Variants in DAB2IP observed in about 807,000 individuals in gnomAD.
DAB2IP encodes the protein DAB2 interacting protein.
A neutral mutation model predicts 107.2 loss-of-function variants in DAB2IP; 28 were observed. The ratio of observed to expected loss-of-function variants is 0.26; its 90% CI spans 0.19 to 0.36. The LOEUF is 0.36. Ranked by LOEUF, DAB2IP falls within the 10% of genes least tolerant of loss-of-function variation. The pLI, the probability that DAB2IP is intolerant of heterozygous loss-of-function variation, is 1.00. For synonymous variants in DAB2IP, 755 were observed against 706.4 expected, an observed-to-expected ratio of 1.07 and a Z score of -1.09; for missense variants, 1,400 against 1,644.7, an observed-to-expected ratio of 0.85 and a Z score of 2.57.
In DAB2IP at chr9:121,635,907, G is replaced by GT. The variant is rs1491171520; in HGVS notation, c.41-42771_41-42770insT. On this transcript the variant is annotated intron_variant, in intron 1 of 16. Transcript: ENST00000259371. This position sits in a 1 kb window ranked among gnomAD's most constrained non-coding sequence, Gnocchi z 4.3. ...AGTCCCCTGTTTAGATGTCTTTTTT[G>GT]GGGGGGGGTCTGGGGGATGGAGTCT... Among the ~76,000 whole-genome samples, 3 of 58,490 alleles carry GT rather than the reference G, an allele frequency of 5.1e-5. No homozygotes were observed. Among genetic ancestry groups the GT allele is most frequent in the African/African-American group, 3.1e-4 (3 of 9,798 alleles). The allele number at this position is 58,490 out of a possible 152,430, so 38.4% of individuals were successfully genotyped here.
chr9:121,592,565 A>G (rs76647193), intron 1 of DAB2IP, among the ~76,000 whole-genome samples: 1,758 of 152,268 alleles, frequency 0.012, 22 homozygotes, highest in Non-Finnish European at 0.016. Context: ...CTTGAAGTAC[A>G]TGTTGTTCTT....
chr9:121,648,216 C>T (rs1832607417), upstream of DAB2IP, among the ~76,000 whole-genome samples: 2 of 152,114 alleles, frequency 1.3e-5, no homozygotes, highest in Admixed American at 6.5e-5. Flanking sequence ...GAAGAACTTA[C>T]TCATGTAACC....
chr9:121,591,338 G>T (rs1830418893), intron 1 of DAB2IP, among the ~76,000 whole-genome samples: 1 of 152,200 alleles, frequency 6.6e-6, no homozygotes, highest in Admixed American at 6.5e-5. Flanking sequence ...TTGCAGTGAT[G>T]CATGCCTGTA....
intron 3 of DAB2IP, among the ~76,000 whole-genome samples, chr9:121,743,839 C>T (rs936082385): frequency 3.9e-5 from 6 of 152,150 alleles, no homozygotes; most frequent in Admixed American, 3.9e-4. Context: ...GTGACTGTCA[C>T]AGGAGCTGGT....
At chr9:121,660,589 C>T (rs1376942084) in intron 1 of DAB2IP, among the ~76,000 whole-genome samples, 2 of 152,102 alleles carry the variant, frequency 1.3e-5, no homozygotes, top group East Asian at 3.9e-4. Context: ...AGAGAGGATG[C>T]CGCCATCTGA....
chr9:121,647,782 CACAT>C (rs1832587699), upstream of DAB2IP, among the ~76,000 whole-genome samples: 1 of 151,032 alleles, frequency 6.6e-6, no homozygotes, highest in Admixed American at 6.6e-5. Flanking sequence ...TACATAAACA[CACAT>C]ATATACGTAT....
rs910489633 is a variant in DAB2IP, at chr9:121,776,678, G to A, written c.3314+287G>A. ...CTCTACAAGGAGCCATACCATCTTA[G>A]TAAGCACTCTCAGGGGCGCTGAGAA... On this transcript the variant is annotated intron_variant, in intron 14 of 15. Coordinates refer to ENST00000408936, the Ensembl canonical transcript of DAB2IP. The surrounding 1 kb of genome is among the most constrained non-coding windows in gnomAD (Gnocchi z 5.4). Among the ~76,000 whole-genome samples the A allele has an allele frequency of 6.6e-6, 1 of 152,178 alleles. No homozygotes were observed. Among genetic ancestry groups the A allele is most frequent in the African/African-American group, 2.4e-5 (1 of 41,450 alleles).
chr9:121,630,370 A>G (rs1183247508), intron 1 of DAB2IP, among the ~76,000 whole-genome samples: 1 of 151,868 alleles, frequency 6.6e-6, no homozygotes, highest in Non-Finnish European at 1.5e-5. Context: ...CTAAAAACAC[A>G]AAAAATTAGC....
chr9:121,666,030 T>A (rs1288207020), intron 1 of DAB2IP, among the ~76,000 whole-genome samples: 2 of 152,198 alleles, frequency 1.3e-5, no homozygotes, highest in African/African-American at 4.8e-5. Context: ...GGGACAGAAG[T>A]CTGAAATCAT....
At chr9:121,568,361 CG>C (rs1236403192) in intron 1 of DAB2IP, among the ~76,000 whole-genome samples, 5 of 152,074 alleles carry the variant, frequency 3.3e-5, no homozygotes, top group Admixed American at 3.3e-4. Context: ...GCCCAGGGGA[CG>C]GGGGGTCAGT....
chr9:121,595,455 T>C (rs969130194), intron 1 of DAB2IP, among the ~76,000 whole-genome samples: 1 of 135,858 alleles, frequency 7.4e-6, no homozygotes, highest in Admixed American at 7.5e-5. Context: ...AAACAAAAAT[T>C]AGCCCGCCAT....
chr9:121,773,183 G>A, exon 12 of DAB2IP: 1 of 1,592,534 alleles, frequency 6.3e-7, no homozygotes. Context: ...TGGCTCGGCG[G>A]CCCGGTGAGC....
intron 1 of DAB2IP, among the ~76,000 whole-genome samples, chr9:121,584,375 T>A (rs1034029905): frequency 2.0e-5 from 3 of 151,458 alleles, no homozygotes; most frequent in African/African-American, 7.3e-5. Flanking sequence ...GCCACTGCAC[T>A]CTAGACAGGG....
chr9:121,760,049 C>A lies in DAB2IP; in HGVS notation c.780C>A (p.Phe260Leu). The A allele has an allele frequency of 6.2e-7, 1 of 1,614,080 alleles. No homozygotes were observed. The highest frequency in any genetic ancestry group is 2.2e-5 in the East Asian group (1 of 44,856). The change falls in exon 6 of 16, where the codon TTC becomes TTA. Residue 260 changes from phenylalanine to leucine, a missense_variant. Transcript: ENST00000408936. The surrounding 1 kb of genome is among the most constrained non-coding windows in gnomAD (Gnocchi z 5.9). Reference sequence around the variant, plus strand: ...ACAATGTTTTCTGGGGCGAGCACTTCGAGTTCCACAACTTGCCGCCTCTGC... The same window carrying A: ...ACAATGTTTTCTGGGGCGAGCACTTAGAGTTCCACAACTTGCCGCCTCTGC...
chr9:121,659,793 CAAAAAAA>C (rs1429077432), intron 1 of DAB2IP, among the ~76,000 whole-genome samples: 1 of 151,392 alleles, frequency 6.6e-6, no homozygotes, highest in East Asian at 1.9e-4. Flanking sequence ...GATTCCGTCT[CAAAAAAA>C]GAAAAAAGAA....
intron 1 of DAB2IP, among the ~76,000 whole-genome samples, chr9:121,661,700 C>T (rs897465713): frequency 1.2e-4 from 19 of 152,272 alleles, no homozygotes; most frequent in South Asian, 2.1e-4. Flanking sequence ...ATAATGTTTA[C>T]GGCCAGGCAC....
At chr9:121,783,600 G>A (rs1835810272) in exon 16 of DAB2IP, 4 of 1,602,802 alleles carry the variant, frequency 2.5e-6, no homozygotes, top group Admixed American at 1.7e-5. Flanking sequence ...TAAGTTGAGC[G>A]TGCGCACTGC....
chr9:121,702,944 C>T lies in DAB2IP; in HGVS notation c.362+3486C>T, dbSNP rs1192491302. 6.6e-6 allele frequency among the ~76,000 whole-genome samples: 1 copy of T among 152,206 alleles called. No individual in the cohort carries two copies. Among genetic ancestry groups the T allele is most frequent in the Non-Finnish European group, 1.5e-5 (1 of 68,042 alleles). ...TGTCTGTACCCCCATCAAGCTCTTC[C>T]CAGTCATCCTGGTGCGGAGCTTAGC... is the stretch of plus-strand genomic sequence containing the variant. On this transcript the variant is annotated intron_variant, in intron 3 of 15. Coordinates refer to ENST00000408936, the Ensembl canonical transcript of DAB2IP. This position sits in a 1 kb window ranked among gnomAD's most constrained non-coding sequence, Gnocchi z 4.5.
At position 121,633,856 on chromosome 9, in the gene DAB2IP, G is replaced by C. The variant is rs1831983374; in HGVS notation, c.41-44822G>C. ...GGAAGTCAAGTTAGGTCTCTGCCATGGGTCTGGGGCTGCTGCTCTCTTCCT... is the reference window on the plus strand; with the variant it reads ...GGAAGTCAAGTTAGGTCTCTGCCATCGGTCTGGGGCTGCTGCTCTCTTCCT... On this transcript the variant is annotated intron_variant, in intron 1 of 16. Coordinates refer to the DAB2IP transcript ENST00000259371. This position sits in a 1 kb window ranked among gnomAD's most constrained non-coding sequence, Gnocchi z 5.1. Among the ~76,000 whole-genome samples, 1 of 152,246 alleles carries C rather than the reference G, an allele frequency of 6.6e-6. No homozygotes were observed. The highest frequency in any genetic ancestry group is 2.4e-5 in the African/African-American group (1 of 41,468).
Sources: gnomAD v4.1 joint callset for allele counts (sites outside exome capture counted in the v4.1 genomes callset) on GRCh38, gnomAD v4.1.1 for gene constraint, Gnocchi (gnomAD v3.1) non-coding constraint, MANE v1.5 for transcripts, NCBI Gene and HGNC (gene_info 2026-07-23, HGNC 2026-07-21) for gene names.